Variants in ADAM12 observed in about 807,000 individuals in gnomAD.
The protein encoded by ADAM12 is ADAM metallopeptidase domain 12, also known as disintegrin and metalloproteinase domain-containing protein 12.
Under a neutral mutation model 106.4 loss-of-function variants are expected in ADAM12, and 70 were observed. That is an observed-to-expected ratio of 0.66 (90% CI 0.54 to 0.80). ADAM12 has a LOEUF of 0.80. ADAM12 is among the 30% of genes least tolerant of loss of function. The pLI is 0.00. For missense variants in ADAM12, 1,010 were observed against 1,171.9 expected, an observed-to-expected ratio of 0.86 and a Z score of 2.02; for synonymous variants, 420 against 433.5, an observed-to-expected ratio of 0.97 and a Z score of 0.39.
intron 5 of ADAM12, among the ~76,000 whole-genome samples, chr10:126,128,730 G>C (rs1368829023): frequency 7.9e-5 from 12 of 151,640 alleles, no homozygotes; most frequent in Non-Finnish European, 1.3e-4. Flanking sequence ...GTGCGAGTGT[G>C]TGGTGCGTGT....
chr10:126,114,011 A>G (rs1344382879), intron 6 of ADAM12, among the ~76,000 whole-genome samples: 2 of 152,092 alleles, frequency 1.3e-5, no homozygotes, highest in Non-Finnish European at 2.9e-5. Flanking sequence ...GCAAGAAAAC[A>G]ATCAGTATTA....
intron 3 of ADAM12, among the ~76,000 whole-genome samples, chr10:126,203,764 T>G (rs1259679762): frequency 6.6e-6 from 1 of 152,180 alleles, no homozygotes; most frequent in Non-Finnish European, 1.5e-5. Flanking sequence ...AAAAAATAAG[T>G]TTCATAACTT....
At chr10:126,385,591 A>T (rs1478071268) in intron 1 of ADAM12, among the ~76,000 whole-genome samples, 1 of 152,220 alleles carries the variant, frequency 6.6e-6, no homozygotes, top group Non-Finnish European at 1.5e-5. Context: ...AGAGGGATGA[A>T]ATGCCATAAA....
At chr10:126,018,402 T>G (rs532655128) in intron 22 of ADAM12, among the ~76,000 whole-genome samples, 1 of 152,194 alleles carries the variant, frequency 6.6e-6, no homozygotes, top group East Asian at 1.9e-4. Context: ...GTGTAAATAC[T>G]CCTCCTGTGG....
chr10:126,105,735 C>T (rs575166188), intron 8 of ADAM12, among the ~76,000 whole-genome samples: 1 of 152,336 alleles, frequency 6.6e-6, no homozygotes, highest in Non-Finnish European at 1.5e-5. Flanking sequence ...TTCTAACTGC[C>T]GTGCTATCTT....
intron 3 of ADAM12, among the ~76,000 whole-genome samples, chr10:126,170,379 G>A (rs1218518981): frequency 3.3e-5 from 5 of 151,774 alleles, no homozygotes; most frequent in African/African-American, 1.2e-4. Flanking sequence ...CTCTTGCTGA[G>A]GCTACCATGA....
In ADAM12 at chr10:126,038,952, C is replaced by CTTTTTTTTTTT. The variant is rs34277276; in HGVS notation, c.2240+331_2240+341dup. Among the ~76,000 whole-genome samples the CTTTTTTTTTTT allele has an allele frequency of 3.5e-4, 25 of 71,556 alleles. 1 individual carries two copies. The highest frequency in any genetic ancestry group is 5.9e-4 in the African/African-American group (11 of 18,700). 46.9% of individuals were successfully genotyped at this position (71,556 alleles called of 152,430 possible). A position where few individuals can be genotyped will look rare whatever the true frequency, so the allele number is the denominator to read the frequency against. ...CTGTACATTTTCTGAGACACCATTT[C>CTTTTTTTTTTT]TTTTTTTTTTTTTTTTTTTTTTTTT... On this transcript the variant is annotated intron_variant, in intron 19 of 22. Transcript: ENST00000448723.
chr10:126,041,979 T>A (rs986952246), intron 18 of ADAM12: 26 of 1,431,092 alleles, frequency 1.8e-5, no homozygotes, highest in Non-Finnish European at 2.4e-5. Flanking sequence ...TAGGCTGGAC[T>A]TCCCCTCCTG....
intron 11 of ADAM12, among the ~76,000 whole-genome samples, chr10:126,088,994 T>C (rs999788559): frequency 3.9e-5 from 6 of 152,110 alleles, no homozygotes; most frequent in Non-Finnish European, 8.8e-5. Flanking sequence ...GGGGTAACCC[T>C]CATTTGCTTA....
At chr10:126,287,271 C>A (rs1024465638) in intron 2 of ADAM12, among the ~76,000 whole-genome samples, 7 of 152,140 alleles carry the variant, frequency 4.6e-5, no homozygotes, top group Admixed American at 3.9e-4. Context: ...ATGGCCAATT[C>A]TGAAGCAGAC....
chr10:126,083,157 C>A (rs55746683), intron 11 of ADAM12, among the ~76,000 whole-genome samples: 11,381 of 152,220 alleles, frequency 0.075, 528 homozygotes, highest in Middle Eastern at 0.19. Flanking sequence ...CAGGAGCCAC[C>A]ATTTGTTTAG....
intron 3 of ADAM12, among the ~76,000 whole-genome samples, chr10:126,224,957 C>T (rs1173812813): frequency 1.3e-5 from 2 of 152,260 alleles, no homozygotes; most frequent in African/African-American, 2.4e-5. Flanking sequence ...TCCTCCTCTA[C>T]GTGAACGGCT....
intron 8 of ADAM12, among the ~76,000 whole-genome samples, chr10:126,107,952 G>A (rs367767028): frequency 1.6e-4 from 25 of 152,298 alleles, no homozygotes; most frequent in African/African-American, 5.5e-4. Flanking sequence ...TTTCTTTGCC[G>A]GCCCGCAGTG....
intron 21 of ADAM12, among the ~76,000 whole-genome samples, chr10:126,034,762 T>G (rs1268582078): frequency 6.6e-6 from 1 of 152,192 alleles, no homozygotes; most frequent in Non-Finnish European, 1.5e-5. Flanking sequence ...TTCTGTTTGC[T>G]GCAATCATGA....
At chr10:126,122,094 A>G (rs750553895) in intron 5 of ADAM12, among the ~76,000 whole-genome samples, 3 of 152,198 alleles carry the variant, frequency 2.0e-5, no homozygotes, top group Non-Finnish European at 4.4e-5. Flanking sequence ...CGTAACACTT[A>G]ATCCTTCAGA....
At chr10:126,383,276 A>G (rs142896289) in intron 1 of ADAM12, among the ~76,000 whole-genome samples, 23 of 152,264 alleles carry the variant, frequency 1.5e-4, no homozygotes, top group African/African-American at 5.5e-4. Flanking sequence ...AAAAATTTAA[A>G]TAGAAGGGTT....
intron 21 of ADAM12, among the ~76,000 whole-genome samples, chr10:126,026,176 A>G (rs1338499624): frequency 6.6e-6 from 1 of 152,230 alleles, no homozygotes; most frequent in African/African-American, 2.4e-5. Context: ...AAAACAGAAA[A>G]AAGTAGGGGT....
chr10:126,036,968 A>G (rs1308329050), intron 20 of ADAM12, among the ~76,000 whole-genome samples: 1 of 152,170 alleles, frequency 6.6e-6, no homozygotes, highest in African/African-American at 2.4e-5. Context: ...CCTCACAACA[A>G]ACAAGTGGAC....
At chr10:126,104,679 G>A (rs929586846) in intron 8 of ADAM12, among the ~76,000 whole-genome samples, 20 of 152,246 alleles carry the variant, frequency 1.3e-4, no homozygotes, top group South Asian at 1.0e-3. Context: ...AATTCTCAGC[G>A]TCTGGCCTAG....
Sources: gnomAD v4.1 joint callset for allele counts (sites outside exome capture counted in the v4.1 genomes callset) on GRCh38, gnomAD v4.1.1 for gene constraint, MANE v1.5 for transcripts, NCBI Gene and HGNC (gene_info 2026-07-23, HGNC 2026-07-21) for gene names.